The following ANK2 variants were observed in gnomAD, a reference collection of about 807,000 sequenced individuals.
ANK2 encodes ankyrin-2.
A neutral mutation model predicts 360.5 loss-of-function variants in ANK2; 83 were observed. The observed-to-expected ratio is 0.23, with a 90% CI of 0.19 to 0.28. The LOEUF (loss-of-function observed/expected upper bound fraction) is 0.28. Ranked by LOEUF, ANK2 falls within the 10% of genes least tolerant of loss-of-function variation. The pLI is 1.00. For synonymous variants in ANK2, 1,740 were observed against 1,759.5 expected (o/e 0.99, Z 0.28); for missense variants, 4,201 against 4,795.7 (o/e 0.88, Z 3.66).
chr4:113,083,353 AAATATTTTT>A (rs1224457781), intron 1 of ANK2, among the ~76,000 whole-genome samples: 1 of 152,012 alleles, frequency 6.6e-6, no homozygotes, highest in East Asian at 1.9e-4. Context: ...CTAATTTTTA[AAATATTTTT>A]GTAGAGATGG....
At chr4:113,062,694 C>T (rs1018453319) in intron 1 of ANK2, among the ~76,000 whole-genome samples, 1 of 152,054 alleles carries the variant, frequency 6.6e-6, no homozygotes, top group Non-Finnish European at 1.5e-5. Flanking sequence ...AATTACATCA[C>T]AGGAGTGATT....
intron 9 of ANK2, among the ~76,000 whole-genome samples, chr4:113,244,927 C>A (rs2042034228): frequency 6.6e-6 from 1 of 152,088 alleles, no homozygotes; most frequent in Non-Finnish European, 1.5e-5. Flanking sequence ...CATCCATGTC[C>A]CTGCAAAGGA....
intron 2 of ANK2, among the ~76,000 whole-genome samples, chr4:113,010,954 C>T (rs2054525634): frequency 6.6e-6 from 1 of 151,420 alleles, no homozygotes; most frequent in African/African-American, 2.4e-5. Flanking sequence ...ATTAATATAC[C>T]TCTAGTGAAG....
the ANK2 span, chr4:112,739,164 AAAAC>A: frequency 1.1e-5 from 4 of 364,078 alleles, no homozygotes; most frequent in African/African-American, 2.1e-5. Flanking sequence ...CAAGAACACA[AAAAC>A]AAACAAAAAA....
At chr4:113,233,386 C>T (rs1443082345) in intron 5 of ANK2, among the ~76,000 whole-genome samples, 6 of 151,670 alleles carry the variant, frequency 4.0e-5, no homozygotes, top group East Asian at 1.9e-4. Flanking sequence ...CCGCCCGCCT[C>T]GGCCTCCCAA....
rs774869878 is a variant in ANK2 at position 113,355,802 on chromosome 4, C to A, written c.7184C>A (p.Thr2395Asn). The A allele has an allele frequency of 2.5e-6, 4 of 1,613,966 alleles. No individual in the cohort carries two copies. In the East Asian group the frequency reaches 6.7e-5, roughly 27 times the overall value. The change falls in exon 38 of 46, where the codon ACT (threonine) becomes AAT (asparagine). Residue 2395 changes from threonine (T) to asparagine (N), a missense_variant. Coordinates refer to ENST00000357077, the MANE Select transcript of ANK2 (RefSeq NM_001148.6). ...PEASVKTDTGTESKPQGVIRS... is the reference protein window; with the variant it reads ...PEASVKTDTGNESKPQGVIRS... ...GCTTCTGTAAAGACAGATACAGGAA[C>A]TGAATCAAAACCTCAGGGAGTCATT...
chr4:112,799,661 C>T, the ANK2 span, among the ~76,000 whole-genome samples: 4 of 151,726 alleles, frequency 2.6e-5, no homozygotes, highest in South Asian at 4.2e-4. Flanking sequence ...GGATTACAGG[C>T]GCACACCACC....
At chr4:113,290,509 A>G (rs764992544) in intron 20 of ANK2, among the ~76,000 whole-genome samples, 5 of 152,196 alleles carry the variant, frequency 3.3e-5, no homozygotes, top group Non-Finnish European at 7.3e-5. Flanking sequence ...ACCCTGTTAT[A>G]GCAACTTGGG....
chr4:113,365,312 A>C lies in ANK2; in HGVS notation c.11032+130A>C, dbSNP rs1306498924. On this transcript the variant is annotated intron_variant, in intron 41 of 45. Coordinates refer to ENST00000357077, the MANE Select transcript of ANK2 (RefSeq NM_001148.6). ...AGAAGGTAGACCATGGCCTATGGTG[A>C]TCATATGTTCTTTTCCTTGCTACCC... is the stretch of plus-strand genomic sequence containing the variant. 28 of 984,346 alleles carry C rather than the reference A, an allele frequency of 2.8e-5. No individual in the cohort carries two copies. In the African/African-American group the frequency reaches 4.5e-4, roughly 16 times the overall value. The allele number at this position is 984,346 out of a possible 1,614,324, so 61.0% of individuals were successfully genotyped here. A position where few individuals can be genotyped will look rare whatever the true frequency, so the allele number is the denominator to read the frequency against.
rs1272881416 is a variant in ANK2 at position 113,302,959 on chromosome 4, CTTTTTCACCT to C, written c.2548+123_2548+132del. On this transcript the variant is annotated intron_variant, in intron 23 of 45. Transcript: ENST00000357077. ...GACAGAATCTTAACATTTAAAGTCA[CTTTTTCACCT>C]TTGTTTCAATACATTTACTTTTGCC... 4 of 902,508 alleles carry C rather than the reference CTTTTTCACCT, an allele frequency of 4.4e-6. No homozygotes were observed. In the Admixed American group the frequency reaches 7.6e-5, roughly 17 times the overall value. 55.9% of individuals were successfully genotyped at this position (902,508 alleles called of 1,614,324 possible). A position where few individuals can be genotyped will look rare whatever the true frequency, so the allele number is the denominator to read the frequency against.
At chr4:112,808,073 T>C in the ANK2 span, among the ~76,000 whole-genome samples, 1 of 152,242 alleles carries the variant, frequency 6.6e-6, no homozygotes, top group Non-Finnish European at 1.5e-5. Flanking sequence ...CTAGTGATTT[T>C]AGTTGACTGC....
chr4:113,374,602 G>A (rs1478503758), intron 45 of ANK2, among the ~76,000 whole-genome samples: 1 of 152,194 alleles, frequency 6.6e-6, no homozygotes, highest in Non-Finnish European at 1.5e-5. Context: ...ATTACCAATA[G>A]GTTATAGTTC....
At chr4:113,080,907 C>T (rs1462854063) in intron 1 of ANK2, among the ~76,000 whole-genome samples, 1 of 152,066 alleles carries the variant, frequency 6.6e-6, no homozygotes, top group Non-Finnish European at 1.5e-5. Context: ...AGGAAAGAGA[C>T]ACAGGAAAGC....
At position 112,853,922 on chromosome 4, in the gene ANK2, C is replaced by T. The variant is rs1289238854; in HGVS notation, c.-40+35658C>T. Among the ~76,000 whole-genome samples, 7 of 152,196 alleles carry T rather than the reference C, an allele frequency of 4.6e-5. No individual in the cohort carries two copies. In the South Asian group the frequency reaches 8.3e-4, roughly 18 times the overall value. On this transcript the variant is annotated intron_variant, in intron 1 of 30. Coordinates refer to the ANK2 transcript ENST00000503271. Reference sequence around the variant, plus strand: ...GTCATTCATTCAATCAATAAACAAACGTTTAATAATCTCCAACTACATGCT... The same window carrying T: ...GTCATTCATTCAATCAATAAACAAATGTTTAATAATCTCCAACTACATGCT...
At chr4:113,185,677 A>G (rs556506205) in intron 2 of ANK2, among the ~76,000 whole-genome samples, 1 of 152,214 alleles carries the variant, frequency 6.6e-6, no homozygotes, top group Non-Finnish European at 1.5e-5. Flanking sequence ...TACTCTGATG[A>G]AAGTTTCTTT....
At chr4:113,088,430 A>G (rs7656666) in intron 1 of ANK2, among the ~76,000 whole-genome samples, 44,454 of 152,130 alleles carry the variant, frequency 0.29, 7,287 homozygotes, top group African/African-American at 0.44. Context: ...ATTTTGAAAC[A>G]TAACTTTAAA....
At chr4:113,362,117 A>G (rs1440711375) in intron 39 of ANK2, among the ~76,000 whole-genome samples, 1 of 152,172 alleles carries the variant, frequency 6.6e-6, no homozygotes, top group Non-Finnish European at 1.5e-5. Flanking sequence ...ACATATACAC[A>G]TGTATTTCAT....
At chr4:112,897,577 A>C (rs934196029) in intron 1 of ANK2, among the ~76,000 whole-genome samples, 4 of 152,178 alleles carry the variant, frequency 2.6e-5, no homozygotes, top group Admixed American at 6.5e-5. Context: ...TAAAACAGAT[A>C]ATCTTTTAAG....
chr4:112,827,616 C>G (rs1240149513), intron 1 of ANK2: 2 of 880,846 alleles, frequency 2.3e-6, no homozygotes, highest in Non-Finnish European at 3.8e-6. Flanking sequence ...GACCACTCTA[C>G]TCTCCATCCA....
Sources: allele counts gnomAD v4.1 joint callset (sites outside exome capture counted in the v4.1 genomes callset), GRCh38; gene constraint gnomAD v4.1.1; transcripts MANE v1.5; gene names NCBI Gene and HGNC (gene_info 2026-07-23, HGNC 2026-07-21).